MID1: variants seen among roughly 807,000 people sequenced by gnomAD.
MID1 encodes E3 ubiquitin-protein ligase Midline-1.
MID1 carries 7 observed loss-of-function variants against 40.4 expected under a neutral mutation model. The ratio of observed to expected loss-of-function variants is 0.17; its 90% CI spans 0.10 to 0.33. MID1 has a LOEUF of 0.33. Among genes scored for constraint, MID1 ranks in the 10% least tolerant of loss-of-function variants. MID1 has a pLI of 1.00. For missense variants in MID1, 367 were observed against 558.5 expected (o/e 0.66, Z 3.46); for synonymous variants, 229 against 221.2 (o/e 1.04, Z -0.31).
At chrX:10,786,380 C>G (rs2043883548) in intron 1 of MID1, among the ~76,000 whole-genome samples, 2 of 111,049 alleles carry the variant, frequency 1.8e-5, no homozygotes, top group African/African-American at 3.3e-5. Context: ...GGACTGTAAA[C>G]TAGTTCAACC....
intron 1 of MID1, among the ~76,000 whole-genome samples, chrX:10,673,107 A>G (rs977757316): frequency 8.9e-6 from 1 of 112,097 alleles, no homozygotes; most frequent in African/African-American, 3.2e-5. Context: ...ATGAATGACT[A>G]TACTATGAGA....
At chrX:10,521,576 G>A (rs1932709554) in intron 3 of MID1, among the ~76,000 whole-genome samples, 1 of 111,349 alleles carries the variant, frequency 9.0e-6, no homozygotes, top group African/African-American at 3.3e-5. Context: ...TTCATGGGGT[G>A]GGGTGGTAAA....
At chrX:10,718,975 G>A (rs1435373017) in intron 1 of MID1, among the ~76,000 whole-genome samples, 3 of 111,553 alleles carry the variant, frequency 2.7e-5, no homozygotes, top group Non-Finnish European at 5.7e-5. Context: ...ATGCAGAAAA[G>A]GCCTTTGACA....
At chrX:10,623,367 A>G (rs1199474956), upstream of MID1, among the ~76,000 whole-genome samples, 1 of 111,320 alleles carries the variant, frequency 9.0e-6, no homozygotes, top group Non-Finnish European at 1.9e-5. Flanking sequence ...GAAGTGAGTA[A>G]AAGAGCTTGC....
Position 10,446,383 on chromosome X carries a change from C to G in MID1, c.*2985G>C, listed in dbSNP as rs1256495597. 1 of 111,691 alleles carries G rather than the reference C, an allele frequency of 9.0e-6. No individual in the cohort carries two copies. The highest frequency in any genetic ancestry group is 1.9e-5 in the Non-Finnish European group (1 of 53,194). 9.2% of individuals were successfully genotyped at this position (111,691 alleles called of 1,213,427 possible). Reference sequence around the variant, plus strand: ...TTCAGTTCCTCAGCAAGTTTAAGGTCAATATATCAGTACCGTAATAAAAAA... The same window carrying G: ...TTCAGTTCCTCAGCAAGTTTAAGGTGAATATATCAGTACCGTAATAAAAAA... On this transcript the variant is annotated 3_prime_UTR_variant, in exon 10 of 10. Coordinates refer to ENST00000317552, the MANE Select transcript of MID1 (RefSeq NM_000381.4).
intron 1 of MID1, among the ~76,000 whole-genome samples, chrX:10,585,184 G>C (rs757569037): frequency 2.5e-4 from 28 of 111,473 alleles, no homozygotes; most frequent in Non-Finnish European, 3.6e-4. Context: ...ACGTCTGGTT[G>C]CTAGGCGCCG....
At chrX:10,703,896 A>G (rs781477452) in intron 1 of MID1, among the ~76,000 whole-genome samples, 6 of 112,227 alleles carry the variant, frequency 5.3e-5, no homozygotes, top group Non-Finnish European at 1.1e-4. Context: ...TTTTCTTCGA[A>G]AATCAACACA....
At chrX:10,772,885 A>G (rs1043393713) in intron 1 of MID1, among the ~76,000 whole-genome samples, 1 of 110,533 alleles carries the variant, frequency 9.0e-6, no homozygotes, top group Non-Finnish European at 1.9e-5. Context: ...AAAATCATAT[A>G]AAGTAGTGAA....
At chrX:10,656,964 C>A (rs762811704) in intron 1 of MID1, among the ~76,000 whole-genome samples, 104 of 110,787 alleles carry the variant, frequency 9.4e-4, no homozygotes, top group Non-Finnish European at 7.2e-4. Context: ...AGTAGCCTGA[C>A]ATCCAACTGC....
In MID1 at chrX:10,454,924, A is replaced by C. The variant is rs1464286489; in HGVS notation, c.1601T>G (p.Val534Gly). 2 of 1,211,487 alleles carry C rather than the reference A, an allele frequency of 1.7e-6. No individual in the cohort carries two copies. The highest frequency in any genetic ancestry group is 2.2e-6 in the Non-Finnish European group (2 of 895,300). The change falls in exon 9 of 10, where the codon GTG becomes GGG. Residue 534 changes from valine (V) to glycine (G), a missense_variant. Val to Gly is a moderately radical substitution (Grantham distance 109). Coordinates refer to ENST00000317552, the MANE Select transcript of MID1 (RefSeq NM_000381.4). ...SQGSYGVAGN[V>G]FIDSGRHYWE... The stretch of plus-strand genomic sequence containing the variant: ...ATAATGCCGGCCACTATCAATAAAC[A>C]CATTTCCAGCTACTCCATAGCTCCC...
At chrX:10,490,535 T>A (rs1367800555) in intron 4 of MID1, among the ~76,000 whole-genome samples, 3 of 111,778 alleles carry the variant, frequency 2.7e-5, no homozygotes, top group African/African-American at 9.8e-5. Flanking sequence ...AGTTGAGCCA[T>A]CCTTGTATTA....
chrX:10,474,592 A>G (rs1337146836), intron 6 of MID1, 31 bp downstream of exon 6: 3 of 1,195,971 alleles, frequency 2.5e-6, no homozygotes, highest in Non-Finnish European at 3.4e-6. Context: ...CTAAGTGTGC[A>G]CAATATTAAA....
intron 1 of MID1, among the ~76,000 whole-genome samples, chrX:10,767,312 ATTTCTTTC>A (rs199553548): frequency 2.3e-4 from 25 of 108,726 alleles, no homozygotes; most frequent in South Asian, 4.2e-4. Context: ...TAGCCTTTTG[ATTTCTTTC>A]TTTCTTTCTT....
chrX:10,821,491 C>A (rs901637906), intron 1 of MID1, among the ~76,000 whole-genome samples: 15 of 112,313 alleles, frequency 1.3e-4, no homozygotes, highest in Non-Finnish European at 1.9e-4. Context: ...TACTAAGTCA[C>A]TCACCCGTTG....
At chrX:10,663,918 G>T (rs1349953475) in intron 1 of MID1, among the ~76,000 whole-genome samples, 3 of 111,478 alleles carry the variant, frequency 2.7e-5, no homozygotes, top group Admixed American at 9.5e-5. Context: ...TGCTAACATT[G>T]TATGAGTATA....
At position 10,730,734 on chromosome X, in the gene MID1, G is replaced by A. The variant is rs183262660; in HGVS notation, c.-187+102820C>T. 6.1e-3 allele frequency among the ~76,000 whole-genome samples: 667 copies of A among 109,279 alleles called. 10 individuals carry two copies. Among genetic ancestry groups the A allele is most frequent in the African/African-American group, 0.021 (628 of 30,014 alleles). 94.9% of individuals were successfully genotyped at this position (109,279 alleles called of 115,157 possible). ...CTACAGGCGCCCGCCACCACGCCCGGCTAATTTTTTGTATTTTTTTTAGTA... is the reference window on the plus strand; with the variant it reads ...CTACAGGCGCCCGCCACCACGCCCGACTAATTTTTTGTATTTTTTTTAGTA... On this transcript the variant is annotated intron_variant, in intron 1 of 10. Coordinates refer to the MID1 transcript ENST00000380785.
intron 1 of MID1, among the ~76,000 whole-genome samples, chrX:10,606,120 G>A (rs908700601): frequency 9.0e-6 from 1 of 110,545 alleles, no homozygotes; most frequent in African/African-American, 3.3e-5. Context: ...AACTGATACA[G>A]GAATATTTTA....
intron 1 of MID1, among the ~76,000 whole-genome samples, chrX:10,677,039 A>C (rs751531159): frequency 1.8e-5 from 2 of 111,633 alleles, no homozygotes; most frequent in Admixed American, 1.9e-4. Context: ...TCCCAAATCT[A>C]TCTGGCACCT....
At chrX:10,783,992 A>G (rs1234151917) in intron 1 of MID1, among the ~76,000 whole-genome samples, 1 of 111,636 alleles carries the variant, frequency 9.0e-6, no homozygotes, top group East Asian at 2.8e-4. Flanking sequence ...AAATAGATCA[A>G]TATTTTGCTA....
Sources: allele counts gnomAD v4.1 joint callset (sites outside exome capture counted in the v4.1 genomes callset), GRCh38; gene constraint gnomAD v4.1.1; transcripts MANE v1.5; gene names NCBI Gene and HGNC (gene_info 2026-07-23, HGNC 2026-07-21).